Variants in XPR1 observed in about 807,000 individuals in gnomAD.
The protein encoded by XPR1 is solute carrier family 53 member 1.
Under a neutral mutation model 87.5 loss-of-function variants are expected in XPR1, and 28 were observed. The ratio of observed to expected loss-of-function variants is 0.32; its 90% CI spans 0.24 to 0.44. The LOEUF is 0.44. Among genes scored for constraint, XPR1 ranks in the 20% least tolerant of loss-of-function variants. The pLI, the probability that XPR1 is intolerant of heterozygous loss-of-function variation, is 1.00. For synonymous variants in XPR1, 300 were observed against 306.1 expected (o/e 0.98, Z 0.21); for missense variants, 559 against 862.3 (o/e 0.65, Z 4.41).
chr1:180,784,134 A>T (rs1649047214), intron 2 of XPR1, among the ~76,000 whole-genome samples: 1 of 152,006 alleles, frequency 6.6e-6, no homozygotes, highest in Non-Finnish European at 1.5e-5. Flanking sequence ...CATTTCCTAC[A>T]TGTGGGATTA....
chr1:180,744,650 C>CTCTTTTTTTTTTTT (rs1553243737), intron 2 of XPR1, among the ~76,000 whole-genome samples: 5 of 56,944 alleles, frequency 8.8e-5, no homozygotes, highest in African/African-American at 2.9e-4. Flanking sequence ...GGCACAATTT[C>CTCTTTTTTTTTTTT]TTTCTTTTTT....
chr1:180,714,180 A>G (rs925074709), intron 2 of XPR1, among the ~76,000 whole-genome samples: 2 of 152,180 alleles, frequency 1.3e-5, no homozygotes, highest in African/African-American at 4.8e-5. Context: ...GATAGAAGCT[A>G]TAGCCTTGTC....
chr1:180,703,978 T>C (rs945357576), intron 2 of XPR1, among the ~76,000 whole-genome samples: 2 of 151,994 alleles, frequency 1.3e-5, no homozygotes, highest in African/African-American at 4.8e-5. Flanking sequence ...CTGCTGCATC[T>C]CTTTTTTTTC....
At chr1:180,805,462 A>C (rs189011202) in intron 4 of XPR1, among the ~76,000 whole-genome samples, 2 of 152,344 alleles carry the variant, frequency 1.3e-5, no homozygotes, top group East Asian at 3.9e-4. Flanking sequence ...GAACCCTGTA[A>C]GTATGATCAC....
At chr1:180,794,129 A>G (rs1649482808) in intron 3 of XPR1, among the ~76,000 whole-genome samples, 2 of 152,242 alleles carry the variant, frequency 1.3e-5, no homozygotes, top group Non-Finnish European at 2.9e-5. Flanking sequence ...CATTTTGGGA[A>G]CATCATGTGT....
chr1:180,823,966 A>G (rs1161756033), intron 7 of XPR1, among the ~76,000 whole-genome samples: 4 of 152,242 alleles, frequency 2.6e-5, no homozygotes, highest in Non-Finnish European at 4.4e-5. Flanking sequence ...CATTTATATG[A>G]CATTTAAATT....
At chr1:180,874,257 C>T (rs1024171517) in intron 13 of XPR1, among the ~76,000 whole-genome samples, 2 of 152,150 alleles carry the variant, frequency 1.3e-5, no homozygotes, top group South Asian at 2.1e-4. Flanking sequence ...TTCTTTAGAA[C>T]GGGGTTCCAT....
chr1:180,714,349 TTCTCTCTCTCTC>T (rs71121047), intron 2 of XPR1, among the ~76,000 whole-genome samples: 5,249 of 72,110 alleles, frequency 0.073, 185 homozygotes, highest in East Asian at 0.12. Context: ...TTTTTCCCTG[TTCTCTCTCTCTC>T]TCTCTCTCTC....
intron 1 of XPR1, among the ~76,000 whole-genome samples, chr1:180,656,425 AT>A (rs1269237912): frequency 7.1e-5 from 3 of 42,536 alleles, no homozygotes; most frequent in African/African-American, 1.9e-4. Flanking sequence ...ATATATAAAT[AT>A]TTATATATTT....
intron 2 of XPR1, among the ~76,000 whole-genome samples, chr1:180,763,103 G>A (rs1648116510): frequency 6.6e-6 from 1 of 152,294 alleles, no homozygotes; most frequent in African/African-American, 2.4e-5. Flanking sequence ...TAGTGTTTAT[G>A]CCGTGGAATT....
Position 180,835,044 on chromosome 1 carries a change from A to G in XPR1, c.1305A>G (p.Glu435=). ...ESKGLLPNNS[E]ESGICHKYTY... is the part of the protein sequence containing the mutation. ...AGGGCCTGTTGCCAAATAATTCAGA[A>G]GGTAGGGTATGAATTTGCATCTATA... The change falls in exon 10 of 15, where the codon GAA becomes GAG. Residue 435 remains glutamate (E), a splice_region_variant and synonymous_variant. Transcript: ENST00000367590. 2.5e-6 allele frequency: 4 copies of G among 1,613,790 alleles called. No individual in the cohort carries two copies. Among genetic ancestry groups the G allele is most frequent in the Non-Finnish European group, 3.4e-6 (4 of 1,179,834 alleles).
intron 2 of XPR1, among the ~76,000 whole-genome samples, chr1:180,687,475 C>A (rs1018998961): frequency 1.3e-5 from 2 of 152,154 alleles, no homozygotes; most frequent in Non-Finnish European, 2.9e-5. Context: ...TTTATACTTT[C>A]ATGTAAACAT....
chr1:180,765,519 A>G (rs1013082783), intron 2 of XPR1, among the ~76,000 whole-genome samples: 4 of 152,078 alleles, frequency 2.6e-5, no homozygotes, highest in Admixed American at 2.0e-4. Flanking sequence ...GTCCTTTGGT[A>G]TGTGTTGAGG....
intron 2 of XPR1, among the ~76,000 whole-genome samples, chr1:180,692,748 G>T (rs1657031993): frequency 1.3e-5 from 2 of 152,064 alleles, no homozygotes; most frequent in African/African-American, 4.8e-5. Flanking sequence ...CACAGAAAGA[G>T]AATTAGATCT....
chr1:180,876,123 G>GA lies in XPR1; in HGVS notation c.1808+2190dup, dbSNP rs200746961. On this transcript the variant is annotated intron_variant, in intron 13 of 14. Transcript: ENST00000367590. ...ACCAATTTTATACAAAACTCTTCCA[G>GA]AAAAAAAAAGAGCATAAAAGGAAAC... Among the ~76,000 whole-genome samples, 266 of 150,274 alleles carry GA rather than the reference G, an allele frequency of 1.8e-3. 1 individual carries two copies. Among genetic ancestry groups the GA allele is most frequent in the Non-Finnish European group, 2.8e-3 (186 of 67,500 alleles).
chr1:180,764,184 T>C (rs1648177327), intron 2 of XPR1, among the ~76,000 whole-genome samples: 2 of 152,220 alleles, frequency 1.3e-5, no homozygotes, highest in African/African-American at 4.8e-5. Context: ...CTTTGCTTTC[T>C]GATTGTTCAG....
chr1:180,654,727 G>T (rs1235584554), intron 1 of XPR1, among the ~76,000 whole-genome samples: 1 of 152,060 alleles, frequency 6.6e-6, no homozygotes, highest in Non-Finnish European at 1.5e-5. Context: ...CATCTATGTT[G>T]TGCATAATGT....
chr1:180,758,106 T>C (rs1018166254), intron 2 of XPR1, among the ~76,000 whole-genome samples: 2 of 91,636 alleles, frequency 2.2e-5, no homozygotes, highest in African/African-American at 3.7e-5. Context: ...TATGAACATA[T>C]AGAAGGATAC....
At chr1:180,789,733 C>T (rs754826232) in intron 3 of XPR1, among the ~76,000 whole-genome samples, 1 of 151,994 alleles carries the variant, frequency 6.6e-6, no homozygotes, top group Non-Finnish European at 1.5e-5. Context: ...TTATTTTCTT[C>T]TCCATCAATC....
Sources: gnomAD v4.1 joint callset for allele counts (sites outside exome capture counted in the v4.1 genomes callset) on GRCh38, gnomAD v4.1.1 for gene constraint, MANE v1.5 for transcripts, NCBI Gene and HGNC (gene_info 2026-07-23, HGNC 2026-07-21) for gene names.